Variants in TTC6 observed in about 807,000 individuals in gnomAD.
The protein encoded by TTC6 is tetratricopeptide repeat protein 6.
In TTC6, 172 loss-of-function variants were observed where a neutral mutation model predicts 210.4. The observed-to-expected ratio is 0.82, with a 90% CI of 0.72 to 0.93. The LOEUF (loss-of-function observed/expected upper bound fraction) is 0.93, where lower values mean the gene tolerates loss of function less well. Ranked by LOEUF, TTC6 falls within the 40% of genes least tolerant of loss-of-function variation. The pLI, the probability that TTC6 is intolerant of heterozygous loss-of-function variation, is 0.00. For missense variants in TTC6, 2,414 were observed against 2,318.1 expected (o/e 1.04, Z -0.85); for synonymous variants, 804 against 819.6 (o/e 0.98, Z 0.32).
intron 1 of TTC6, among the ~76,000 whole-genome samples, chr14:37,679,464 A>C (rs1474683869): frequency 6.6e-6 from 1 of 152,164 alleles, no homozygotes; most frequent in African/African-American, 2.4e-5. Flanking sequence ...TGATACTAAC[A>C]GTCCATCCAG....
At chr14:37,752,997 A>G (rs561646034) in intron 13 of TTC6, 102 bp from the exon 16 acceptor site, 2 of 913,234 alleles carry the variant, frequency 2.2e-6, no homozygotes, top group Non-Finnish European at 3.0e-6. Flanking sequence ...GTTTGCTTTT[A>G]TTAACCCGAA....
chr14:37,752,168 C>A (rs1036139214), intron 13 of TTC6, among the ~76,000 whole-genome samples: 2 of 151,946 alleles, frequency 1.3e-5, no homozygotes, highest in African/African-American at 4.8e-5. Flanking sequence ...GCAAAATATT[C>A]CCCTGATTGC....
chr14:37,628,255 G>A (rs2095663745), intron 1 of TTC6, among the ~76,000 whole-genome samples: 1 of 152,164 alleles, frequency 6.6e-6, no homozygotes, highest in Non-Finnish European at 1.5e-5. Context: ...TGAAAGGCAT[G>A]AGCCACTGTG....
chr14:37,796,768 A>C lies in TTC6; in HGVS notation c.3869-19A>C. 6.3e-7 allele frequency: 1 copy of C among 1,588,140 alleles called. No homozygotes were observed. The highest frequency in any genetic ancestry group is 8.5e-7 in the Non-Finnish European group (1 of 1,170,924). ...TTGATACTTGGCAAAGATATTGATA[A>C]ACTTTCCTTCCCTTTTAGGTCTCAG... On this transcript the variant is annotated intron_variant, in intron 19 of 30. Transcript: ENST00000553443.
At chr14:37,672,821 A>ATTTTTTTTTTTTT (rs377117749) in intron 1 of TTC6, among the ~76,000 whole-genome samples, 18 of 128,996 alleles carry the variant, frequency 1.4e-4, no homozygotes, top group African/African-American at 5.5e-4. Flanking sequence ...TGAATTCCTC[A>ATTTTTTTTTTTTT]TTTTTTTTTT....
intron 29 of TTC6, among the ~76,000 whole-genome samples, chr14:37,838,570 ATC>A: frequency 6.6e-6 from 1 of 151,966 alleles, no homozygotes; most frequent in Middle Eastern, 3.4e-3. Flanking sequence ...CTGAGTTTTT[ATC>A]TCTCTTTGTA....
At chr14:37,616,724 A>G (rs1263462301) in intron 2 of TTC6, among the ~76,000 whole-genome samples, 1 of 132,818 alleles carries the variant, frequency 7.5e-6, no homozygotes, top group African/African-American at 2.9e-5. Context: ...TGGGCGGAAG[A>G]GTGATACTCC....
intron 3 of TTC6, among the ~76,000 whole-genome samples, chr14:37,691,372 A>T (rs1387601189): frequency 6.6e-6 from 1 of 152,166 alleles, no homozygotes; most frequent in Admixed American, 6.6e-5. Flanking sequence ...ATAGAATAAA[A>T]CTAGAAATCA....
intron 7 of TTC6, among the ~76,000 whole-genome samples, chr14:37,734,598 C>T (rs1388961678): frequency 6.6e-6 from 1 of 152,152 alleles, no homozygotes; most frequent in Non-Finnish European, 1.5e-5. Flanking sequence ...TAATTAGAAG[C>T]AGAAGTCATT....
chr14:37,815,078 G>A (rs1266113733), intron 25 of TTC6, among the ~76,000 whole-genome samples: 1 of 152,096 alleles, frequency 6.6e-6, no homozygotes, highest in Non-Finnish European at 1.5e-5. Context: ...AACCTACCAA[G>A]ATAATAGTAA....
chr14:37,830,342 A>G (rs2096181770), intron 29 of TTC6, among the ~76,000 whole-genome samples: 1 of 152,086 alleles, frequency 6.6e-6, no homozygotes, highest in African/African-American at 2.4e-5. Context: ...TAAATTTATC[A>G]AGTACACAGT....
At chr14:37,829,765 G>A (rs554233932) in intron 29 of TTC6, among the ~76,000 whole-genome samples, 104 of 152,072 alleles carry the variant, frequency 6.8e-4, no homozygotes, top group Non-Finnish European at 1.3e-3. Flanking sequence ...TGCAAGGCAA[G>A]TGCTGACACT....
At chr14:37,692,224 A>AAAAAAAAAAAAAAAAAAG (rs2095805029) in intron 3 of TTC6, among the ~76,000 whole-genome samples, 1 of 143,068 alleles carries the variant, frequency 7.0e-6, no homozygotes, top group Non-Finnish European at 1.6e-5. Context: ...AAAAAAAAAA[A>AAAAAAAAAAAAAAAAAAG]AAAAAAAAGA....
chr14:37,842,183 A>G (rs1352915135), exon 31 of TTC6: 3 of 1,606,216 alleles, frequency 1.9e-6, no homozygotes, highest in Non-Finnish European at 2.5e-6. Flanking sequence ...ATGATGCTCT[A>G]GTATATAATT....
intron 5 of TTC6, among the ~76,000 whole-genome samples, chr14:37,704,326 A>G (rs1251401224): frequency 6.6e-6 from 1 of 152,136 alleles, no homozygotes; most frequent in Non-Finnish European, 1.5e-5. Context: ...AAATAATAGG[A>G]TTACAGATGT....
chr14:37,621,125 G>A (rs1022157026), upstream of TTC6, among the ~76,000 whole-genome samples: 2 of 152,166 alleles, frequency 1.3e-5, no homozygotes, highest in Non-Finnish European at 2.9e-5. Context: ...CTTGGAGGGA[G>A]TGAGCTGGGT....
chr14:37,760,250 T>G (rs2095980084), intron 14 of TTC6, among the ~76,000 whole-genome samples: 1 of 152,160 alleles, frequency 6.6e-6, no homozygotes, highest in Non-Finnish European at 1.5e-5. Context: ...CTTCTAAGAG[T>G]CAGGCCCCTG....
At chr14:37,649,354 ATCT>A (rs916564001) in intron 1 of TTC6, among the ~76,000 whole-genome samples, 50 of 152,142 alleles carry the variant, frequency 3.3e-4, no homozygotes, top group African/African-American at 1.2e-3. Flanking sequence ...CCACAAACAC[ATCT>A]TCTTTTTGTT....
At chr14:37,793,584 T>G (rs181420871) in intron 17 of TTC6, among the ~76,000 whole-genome samples, 7 of 152,322 alleles carry the variant, frequency 4.6e-5, no homozygotes, top group Admixed American at 2.0e-4. Flanking sequence ...TGTTAGTTCT[T>G]GACTCTGTCA....
Sources: gnomAD v4.1 joint callset for allele counts (sites outside exome capture counted in the v4.1 genomes callset) on GRCh38, gnomAD v4.1.1 for gene constraint, MANE v1.5 for transcripts, NCBI Gene and HGNC (gene_info 2026-07-23, HGNC 2026-07-21) for gene names.